The following XRN2 variants were observed in gnomAD, a reference collection of about 807,000 sequenced individuals.
XRN2 encodes 5'-3' exoribonuclease 2.
A neutral mutation model predicts 138.5 loss-of-function variants in XRN2; 44 were observed. The ratio of observed to expected loss-of-function variants is 0.32; its 90% CI spans 0.25 to 0.41. The LOEUF is 0.41. XRN2 is among the 10% of genes least tolerant of loss of function. The pLI, the probability that XRN2 is intolerant of heterozygous loss-of-function variation, is 1.00. For synonymous variants in XRN2, 354 were observed against 369.4 expected (o/e 0.96, Z 0.48); for missense variants, 937 against 1,169.3 (o/e 0.80, Z 2.90).
chr20:21,335,180 A>T (rs1334231854), intron 13 of XRN2, among the ~76,000 whole-genome samples: 1 of 152,140 alleles, frequency 6.6e-6, no homozygotes, highest in African/African-American at 2.4e-5. Context: ...TTTGGGATCC[A>T]CTGGTGAGCT....
At chr20:21,315,941 G>A (rs1323355029) in intron 1 of XRN2, among the ~76,000 whole-genome samples, 2 of 152,190 alleles carry the variant, frequency 1.3e-5, no homozygotes, top group African/African-American at 4.8e-5. Context: ...TCTTGATGGT[G>A]TCCTTTGAAG....
chr20:21,344,031 C>A, intron 15 of XRN2, 59 bp from the exon 16 acceptor site: 3 of 1,308,366 alleles, frequency 2.3e-6, no homozygotes, highest in Non-Finnish European at 3.3e-6. Flanking sequence ...GTTGGATGTA[C>A]CTTCTTATGT....
chr20:21,382,090 CT>C, intron 28 of XRN2, 33 bp downstream of exon 28: 1 of 1,562,264 alleles, frequency 6.4e-7, no homozygotes. Flanking sequence ...CTTTTAAATA[CT>C]TTCTGACACC....
At chr20:21,343,979 TA>T in intron 15 of XRN2, 110 bp from the exon 16 acceptor site, 3 of 741,490 alleles carry the variant, frequency 4.0e-6, no homozygotes, top group Non-Finnish European at 6.9e-6. Context: ...CTCTATGTAG[TA>T]GCTTTAAAAA....
chr20:21,352,390 CG>C (rs1025393083), intron 20 of XRN2, among the ~76,000 whole-genome samples: 46 of 152,012 alleles, frequency 3.0e-4, no homozygotes, highest in Non-Finnish European at 5.9e-4. Context: ...TGCAGTGACG[CG>C]ATCTCGGCTC....
chr20:21,379,217 T>C (rs1023492620), intron 27 of XRN2, among the ~76,000 whole-genome samples: 2 of 152,244 alleles, frequency 1.3e-5, no homozygotes, highest in African/African-American at 4.8e-5. Context: ...CACTCTCGCC[T>C]GTACCTTCTG....
At chr20:21,320,471 T>C (rs1225263682) in intron 1 of XRN2, among the ~76,000 whole-genome samples, 2 of 151,636 alleles carry the variant, frequency 1.3e-5, no homozygotes, top group East Asian at 3.9e-4. Flanking sequence ...GGCTAATTTT[T>C]TGTATTTTTA....
intron 27 of XRN2, among the ~76,000 whole-genome samples, chr20:21,371,516 A>T (rs2122327426): frequency 6.6e-6 from 1 of 152,374 alleles, no homozygotes; most frequent in African/African-American, 2.4e-5. Flanking sequence ...GATTTAGCAA[A>T]TAACATTTCT....
intron 29 of XRN2, among the ~76,000 whole-genome samples, chr20:21,388,280 T>C (rs2038955616): frequency 6.6e-6 from 1 of 152,226 alleles, no homozygotes; most frequent in Admixed American, 6.5e-5. Context: ...CCTTTGGAGA[T>C]CTTCCTTTTA....
chr20:21,350,297 C>T (rs991609844), intron 20 of XRN2, among the ~76,000 whole-genome samples: 9 of 151,940 alleles, frequency 5.9e-5, no homozygotes, highest in African/African-American at 1.4e-4. Context: ...GAGGCCAAGG[C>T]GGGCGGATCA....
rs147269219 is a variant in XRN2 at position 21,340,152 on chromosome 20, G to A, written c.1279-569G>A. ...AGTTGTATTTCCACAAAAATTAGCC[G>A]GGTGTGGTGACGTGTGCCTGTAATC... On this transcript the variant is annotated intron_variant, in intron 14 of 29. Coordinates refer to ENST00000377191, the MANE Select transcript of XRN2 (RefSeq NM_012255.5). 2.0e-3 allele frequency among the ~76,000 whole-genome samples: 299 copies of A among 152,208 alleles called. 3 individuals carry two copies. The highest frequency in any genetic ancestry group is 7.1e-3 in the African/African-American group (294 of 41,522).
At chr20:21,365,390 G>T in intron 24 of XRN2, 31 bp from the exon 25 acceptor site, 1 of 1,602,184 alleles carries the variant, frequency 6.2e-7, no homozygotes, top group Non-Finnish European at 8.5e-7. Context: ...GATATAATCA[G>T]ATCATTGAAT....
At chr20:21,321,007 A>G (rs2122186983) in intron 1 of XRN2, among the ~76,000 whole-genome samples, 1 of 151,714 alleles carries the variant, frequency 6.6e-6, no homozygotes, top group South Asian at 2.1e-4. Flanking sequence ...CATAGCTTGC[A>G]CTGTTTTGGT....
At chr20:21,342,470 A>AT (rs1312753839) in intron 15 of XRN2, among the ~76,000 whole-genome samples, 1 of 152,108 alleles carries the variant, frequency 6.6e-6, no homozygotes, top group Non-Finnish European at 1.5e-5. Flanking sequence ...GGTGAACAGC[A>AT]TTTTTTTCTA....
rs2038361141 is a variant in XRN2 at position 21,340,757 on chromosome 20, A to G, written c.1315A>G (p.Thr439Ala). The G allele has an allele frequency of 6.2e-7, 1 of 1,613,760 alleles. No homozygotes were observed. The highest frequency in any genetic ancestry group is 8.5e-7 in the Non-Finnish European group (1 of 1,179,884). Residue 439 changes from threonine to alanine, a missense_variant, in exon 15 of 30, where the codon ACT becomes GCT. Coordinates refer to ENST00000377191, the MANE Select transcript of XRN2 (RefSeq NM_012255.5). ...QPAFTPSGIL[T>A]PHALGSRNSP... Reference sequence around the variant, plus strand: ...AGCTTTCACTCCTAGTGGAATATTAACTCCTCATGCCTTGGGTTCAAGAAA... The same window carrying G: ...AGCTTTCACTCCTAGTGGAATATTAGCTCCTCATGCCTTGGGTTCAAGAAA...
At chr20:21,366,094 A>G (rs185284204) in intron 26 of XRN2, among the ~76,000 whole-genome samples, 2,726 of 117,752 alleles carry the variant, frequency 0.023, 65 homozygotes, top group Non-Finnish European at 0.036. Context: ...GTTTATATAT[A>G]TAACATATAT....
chr20:21,381,586 A>T lies in XRN2; in HGVS notation c.2585-408A>T, dbSNP rs59119387. ...AGGAAAATTTCAGGATTTCTGTTGT[A>T]GATACTATTCATTCAGTTTGTATTA... On this transcript the variant is annotated intron_variant, in intron 27 of 29. Transcript: ENST00000377191. 3.3e-5 allele frequency among the ~76,000 whole-genome samples: 5 copies of T among 152,344 alleles called. No homozygotes were observed. In the East Asian group the frequency reaches 9.6e-4, roughly 29 times the overall value.
intron 4 of XRN2, among the ~76,000 whole-genome samples, chr20:21,329,314 G>A (rs1482035493): frequency 6.6e-6 from 1 of 152,174 alleles, no homozygotes; most frequent in East Asian, 1.9e-4. Context: ...AGAAAAGGAA[G>A]ATCAGGGAGT....
At chr20:21,326,626 C>T (rs766050712) in intron 3 of XRN2, 25 bp downstream of exon 3, 9 of 1,572,976 alleles carry the variant, frequency 5.7e-6, no homozygotes, top group Non-Finnish European at 7.8e-6. Flanking sequence ...AATTAGAAGC[C>T]TCCATTTTGT....
Sources: allele counts gnomAD v4.1 joint callset (sites outside exome capture counted in the v4.1 genomes callset), GRCh38; gene constraint gnomAD v4.1.1; transcripts MANE v1.5; gene names NCBI Gene and HGNC (gene_info 2026-07-23, HGNC 2026-07-21).